FAM3B: variants seen among roughly 807,000 people sequenced by gnomAD.
The protein encoded by FAM3B is FAM3 metabolism regulating signaling molecule B, also known as protein FAM3B.
Under a neutral mutation model 28.4 loss-of-function variants are expected in FAM3B, and 29 were observed. That is an observed-to-expected ratio of 1.02 (90% CI 0.76 to 1.39). The LOEUF is 1.39. Ranked by LOEUF, FAM3B falls within the 40% of genes most tolerant of loss-of-function variation. The pLI is 0.00. For missense variants in FAM3B, 266 were observed against 293.9 expected (o/e 0.91, Z 0.69); for synonymous variants, 91 against 103.0 (o/e 0.88, Z 0.71).
chr21:41,319,369 C>T (rs2088781076), intron 1 of FAM3B: 1 of 152,240 alleles, frequency 6.6e-6, no homozygotes, highest in Admixed American at 6.6e-5. Context: ...CTAAGAACGG[C>T]CTTTGCTCTA....
rs75488078 is a variant in FAM3B, at chr21:41,356,675, C to G, written c.619-433C>G. 2.4e-3 allele frequency among the ~76,000 whole-genome samples: 371 copies of G among 152,294 alleles called. 1 individual carries two copies. Among genetic ancestry groups the G allele is most frequent in the African/African-American group, 8.1e-3 (337 of 41,570 alleles). Reference sequence around the variant, plus strand: ...TAAAGTTCTAGAGCTGTATTAACACCTGCTTCAAATATTATTAAGAAACAC... The same window carrying G: ...TAAAGTTCTAGAGCTGTATTAACACGTGCTTCAAATATTATTAAGAAACAC... On this transcript the variant is annotated intron_variant, in intron 7 of 7. Transcript: ENST00000357985.
At chr21:41,332,899 C>A (rs1252822564) in intron 2 of FAM3B, among the ~76,000 whole-genome samples, 1 of 151,516 alleles carries the variant, frequency 6.6e-6, no homozygotes, top group South Asian at 2.1e-4. Context: ...GTTTTTTTGG[C>A]CTTTTCTATT....
intron 1 of FAM3B, among the ~76,000 whole-genome samples, chr21:41,305,716 T>G (rs1220231882): frequency 6.6e-6 from 1 of 152,274 alleles, no homozygotes; most frequent in African/African-American, 2.4e-5. Flanking sequence ...AATACTTTAT[T>G]GCTAAAAGTG....
intron 1 of FAM3B, 151 bp from the exon 2 acceptor site, chr21:41,322,772 A>C: frequency 9.1e-7 from 1 of 1,100,816 alleles, no homozygotes; most frequent in Middle Eastern, 2.0e-4. Flanking sequence ...ACCGCCTCCC[A>C]CCCTGGGAGC....
At chr21:41,321,451 G>T (rs1375304439) in intron 1 of FAM3B, among the ~76,000 whole-genome samples, 4 of 152,194 alleles carry the variant, frequency 2.6e-5, no homozygotes, top group African/African-American at 9.6e-5. Flanking sequence ...CTGCAAGCCT[G>T]CACCTGTCTC....
At chr21:41,335,781 C>G (rs1053652320) in intron 2 of FAM3B, among the ~76,000 whole-genome samples, 1 of 152,190 alleles carries the variant, frequency 6.6e-6, no homozygotes, top group Non-Finnish European at 1.5e-5. Context: ...CAATTTCAGT[C>G]TTCTTACATT....
chr21:41,320,286 A>G (rs1168241792), intron 1 of FAM3B: 1 of 152,006 alleles, frequency 6.6e-6, no homozygotes, highest in Non-Finnish European at 1.5e-5. Flanking sequence ...TCTTTTTAAA[A>G]TTTTTTGTAG....
At chr21:41,355,982 G>A (rs996860610) in intron 7 of FAM3B, among the ~76,000 whole-genome samples, 1 of 150,718 alleles carries the variant, frequency 6.6e-6, no homozygotes, top group African/African-American at 2.4e-5. Context: ...ACCCACTTCG[G>A]GATGAATACA....
chr21:41,316,678 C>T (rs2088751371), upstream of FAM3B: 2 of 413,412 alleles, frequency 4.8e-6, no homozygotes, highest in Non-Finnish European at 4.2e-6. Context: ...GGCACAGCCC[C>T]GCGCACCTGC....
intron 1 of FAM3B, among the ~76,000 whole-genome samples, chr21:41,310,831 A>G (rs758403916): frequency 6.6e-6 from 1 of 152,174 alleles, no homozygotes; most frequent in African/African-American, 2.4e-5. Flanking sequence ...AAGTAATGAC[A>G]AGTGTAAGTG....
chr21:41,353,675 C>T (rs1180285983), intron 7 of FAM3B, among the ~76,000 whole-genome samples: 3 of 152,192 alleles, frequency 2.0e-5, no homozygotes, highest in Admixed American at 6.5e-5. Context: ...AAATCAAATA[C>T]GTAAATGTAA....
At chr21:41,308,453 G>C (rs912741602) in intron 1 of FAM3B, among the ~76,000 whole-genome samples, 14 of 152,120 alleles carry the variant, frequency 9.2e-5, no homozygotes, top group African/African-American at 3.4e-4. Context: ...AGCAGAAATG[G>C]CTTTAACAAG....
chr21:41,350,563 A>T (rs75066550), intron 7 of FAM3B, among the ~76,000 whole-genome samples: 523 of 152,262 alleles, frequency 3.4e-3, no homozygotes, highest in Middle Eastern at 6.8e-3. Flanking sequence ...CCAAACCCAG[A>T]TCCCTCCGCA....
At chr21:41,341,121 C>T (rs895352408) in intron 3 of FAM3B, among the ~76,000 whole-genome samples, 1 of 151,968 alleles carries the variant, frequency 6.6e-6, no homozygotes, top group Non-Finnish European at 1.5e-5. Context: ...CAGTTATGAC[C>T]TTGGCTTTCT....
chr21:41,305,879 G>T (rs1341935626), intron 1 of FAM3B, among the ~76,000 whole-genome samples: 1 of 152,194 alleles, frequency 6.6e-6, no homozygotes, highest in African/African-American at 2.4e-5. Context: ...AATGAAGTTT[G>T]CCACATCAAT....
At chr21:41,342,230 G>T (rs1224024692) in intron 3 of FAM3B, among the ~76,000 whole-genome samples, 3 of 152,182 alleles carry the variant, frequency 2.0e-5, no homozygotes, top group Admixed American at 6.5e-5. Flanking sequence ...TATTGTCGCT[G>T]CTGTGAAAGT....
chr21:41,332,930 A>G (rs2088919326), intron 2 of FAM3B, among the ~76,000 whole-genome samples: 1 of 151,428 alleles, frequency 6.6e-6, no homozygotes, highest in Non-Finnish European at 1.5e-5. Context: ...TCTCCATTTC[A>G]TATACTTCTA....
chr21:41,347,090 G>C lies in FAM3B; in HGVS notation c.475G>C (p.Gly159Arg), dbSNP rs768234423. The C allele has an allele frequency of 2.5e-6, 4 of 1,614,112 alleles. No individual in the cohort carries two copies. Among genetic ancestry groups the C allele is most frequent in the Non-Finnish European group, 2.5e-6 (3 of 1,180,000 alleles). The change falls in exon 6 of 8, where the codon GGA (glycine) becomes CGA (arginine). Residue 159 changes from glycine (G) to arginine (R), a missense_variant. Transcript: ENST00000357985. ...GCTCTTCATGGTGACCTATGACGACGGAAGCACAAGGTGAGTGGGTGTAGG... is the reference window on the plus strand; with the variant it reads ...GCTCTTCATGGTGACCTATGACGACCGAAGCACAAGGTGAGTGGGTGTAGG... ...SLLFMVTYDD[G>R]STRLNNDAKN...
intron 1 of FAM3B, among the ~76,000 whole-genome samples, chr21:41,318,186 A>T (rs2088767351): frequency 6.6e-6 from 1 of 152,106 alleles, no homozygotes; most frequent in Admixed American, 6.6e-5. Context: ...GTATTTATCC[A>T]GGTGTATTTG....
Sources: allele counts gnomAD v4.1 joint callset (sites outside exome capture counted in the v4.1 genomes callset), GRCh38; gene constraint gnomAD v4.1.1; transcripts MANE v1.5; gene names NCBI Gene and HGNC (gene_info 2026-07-23, HGNC 2026-07-21).